The following YEATS4 variants were observed in gnomAD, a reference collection of about 807,000 sequenced individuals.
YEATS4 encodes the protein YEATS domain-containing protein 4.
A neutral mutation model predicts 30.1 loss-of-function variants in YEATS4; 17 were observed. That is an observed-to-expected ratio of 0.56 (90% CI 0.39 to 0.85). The LOEUF (loss-of-function observed/expected upper bound fraction) is 0.85, where lower values mean the gene tolerates loss of function less well. Among genes scored for constraint, YEATS4 ranks in the 40% least tolerant of loss-of-function variants. YEATS4 has a pLI of 0.00. For synonymous variants in YEATS4, 85 were observed against 87.5 expected, an observed-to-expected ratio of 0.97 and a Z score of 0.16; for missense variants, 142 against 268.3, an observed-to-expected ratio of 0.53 and a Z score of 3.29.
intron 6 of YEATS4, among the ~76,000 whole-genome samples, chr12:69,375,478 G>A (rs1373092297): frequency 1.1e-4 from 16 of 151,844 alleles, no homozygotes; most frequent in Admixed American, 5.9e-4. Context: ...AGGCAGAGAC[G>A]CTCCTCACTT....
At chr12:69,401,067 T>G in the YEATS4 span, 1 of 152,176 alleles carries the variant, frequency 6.6e-6, no homozygotes, top group Non-Finnish European at 1.5e-5. Flanking sequence ...GACCACCAGG[T>G]TACCTAAGGA....
chr12:69,360,667 A>ATT lies in YEATS4; in HGVS notation c.51+658_51+659dup, dbSNP rs71932216. Among the ~76,000 whole-genome samples, 1,420 of 143,656 alleles carry ATT rather than the reference A, an allele frequency of 9.9e-3. 15 individuals are homozygous for ATT. The highest frequency in any genetic ancestry group is 0.025 in the African/African-American group (965 of 39,318). 94.2% of individuals were successfully genotyped at this position (143,656 alleles called of 152,430 possible). The stretch of plus-strand genomic sequence containing the variant: ...CCCTCACACAGCCCCTGGCACGTTA[A>ATT]TTTTTTTTTTTTTTTGAGACGAAGT... On this transcript the variant is annotated intron_variant, in intron 1 of 6. Transcript: ENST00000247843.
the YEATS4 span, among the ~76,000 whole-genome samples, chr12:69,408,915 A>G: frequency 6.6e-6 from 1 of 152,212 alleles, no homozygotes; most frequent in Admixed American, 6.5e-5. Flanking sequence ...AAATGCCATA[A>G]TATTTAGAAA....
the YEATS4 span, among the ~76,000 whole-genome samples, chr12:69,411,634 AG>A: frequency 1.3e-5 from 2 of 152,190 alleles, no homozygotes; most frequent in African/African-American, 2.4e-5. Context: ...GGAGTACTGG[AG>A]GGGAGTGTGG....
At chr12:69,400,697 TA>T in the YEATS4 span, among the ~76,000 whole-genome samples, 4,331 of 134,894 alleles carry the variant, frequency 0.032, 161 homozygotes, top group African/African-American at 0.098. Context: ...TTAAAAAGTT[TA>T]AAAAAAAAAA....
chr12:69,367,288 C>T (rs2120929353), intron 4 of YEATS4, among the ~76,000 whole-genome samples: 1 of 152,204 alleles, frequency 6.6e-6, no homozygotes, highest in African/African-American at 2.4e-5. Flanking sequence ...TTTGTGTTTT[C>T]ATGTGATGAA....
the YEATS4 span, among the ~76,000 whole-genome samples, chr12:69,401,792 G>A: frequency 1.9e-4 from 29 of 152,126 alleles, 1 homozygote; most frequent in Admixed American, 1.7e-3. Context: ...TCTCTCACAC[G>A]TTCTACTTTC....
the YEATS4 span, among the ~76,000 whole-genome samples, chr12:69,417,072 C>T: frequency 6.6e-6 from 1 of 150,782 alleles, no homozygotes; most frequent in African/African-American, 2.4e-5. Context: ...AAACTCTGTC[C>T]CAAATTTAAA....
chr12:69,374,833 C>T (rs1875781727), intron 6 of YEATS4, among the ~76,000 whole-genome samples: 1 of 152,160 alleles, frequency 6.6e-6, no homozygotes, highest in Non-Finnish European at 1.5e-5. Flanking sequence ...CCACATTTCC[C>T]CCTTTTCTAT....
the YEATS4 span, among the ~76,000 whole-genome samples, chr12:69,417,789 C>G: frequency 2.0e-5 from 3 of 147,924 alleles, no homozygotes; most frequent in African/African-American, 7.5e-5. Flanking sequence ...AGCAGCACTT[C>G]GTTTAACGCT....
At chr12:69,414,376 C>T in the YEATS4 span, among the ~76,000 whole-genome samples, 1 of 152,130 alleles carries the variant, frequency 6.6e-6, no homozygotes, top group Admixed American at 6.6e-5. Context: ...ACTACAGGAA[C>T]ATGCTACCGC....
intron 6 of YEATS4, among the ~76,000 whole-genome samples, chr12:69,386,724 A>G (rs138160853): frequency 5.8e-4 from 89 of 152,308 alleles, no homozygotes; most frequent in African/African-American, 2.1e-3. Flanking sequence ...CTGACAGGCC[A>G]TAGAAAAATG....
At chr12:69,395,037 C>T (rs74235782), downstream of YEATS4, among the ~76,000 whole-genome samples, 249 of 152,226 alleles carry the variant, frequency 1.6e-3, 2 homozygotes, top group East Asian at 0.045. Context: ...TACCCTCATA[C>T]AATGATGGGA....
At chr12:69,379,682 C>T (rs1875999137) in intron 6 of YEATS4, among the ~76,000 whole-genome samples, 1 of 147,198 alleles carries the variant, frequency 6.8e-6, no homozygotes, top group South Asian at 2.2e-4. Flanking sequence ...CTCAAGCAGT[C>T]CTCCCTCCTT....
the YEATS4 span, chr12:69,400,992 T>C: frequency 6.6e-6 from 1 of 152,218 alleles, no homozygotes; most frequent in Non-Finnish European, 1.5e-5. Flanking sequence ...TGACCTGTAG[T>C]GCACTATGCT....
chr12:69,359,744 T>G lies in YEATS4; in HGVS notation c.-229T>G. 1.8e-6 allele frequency: 1 copy of G among 546,768 alleles called. No homozygotes were observed. Among genetic ancestry groups the G allele is most frequent in the South Asian group, 2.5e-5 (1 of 40,596 alleles). The allele number at this position is 546,768 out of a possible 1,614,324, so 33.9% of individuals were successfully genotyped here. On this transcript the variant is annotated 5_prime_UTR_variant, in exon 1 of 7. Coordinates refer to ENST00000247843, the MANE Select transcript of YEATS4 (RefSeq NM_006530.4). ...CTGCGCGCGGTGCGGCCGTCGCCCC[T>G]CTTTTCGCGGCGTTCTCCACCTGCG...
chr12:69,390,739 C>T lies in YEATS4; in HGVS notation c.*423C>T, dbSNP rs1269323943. ...TCTTCAAGTTCTTACCTGCCCCCAT[C>T]CTTTTTTGTATATGATGTGTCCAGT... On this transcript the variant is annotated 3_prime_UTR_variant, in exon 7 of 7. Transcript: ENST00000247843. 1 of 152,634 alleles carries T rather than the reference C, an allele frequency of 6.6e-6. No individual in the cohort carries two copies. The highest frequency in any genetic ancestry group is 1.5e-5 in the Non-Finnish European group (1 of 68,360). 9.5% of individuals were successfully genotyped at this position (152,634 alleles called of 1,614,324 possible). A position where few individuals can be genotyped will look rare whatever the true frequency, so the allele number is the denominator to read the frequency against.
the YEATS4 span, among the ~76,000 whole-genome samples, chr12:69,405,335 G>A: frequency 3.9e-5 from 6 of 152,096 alleles, no homozygotes; most frequent in South Asian, 2.1e-4. Flanking sequence ...AGAGATTAAC[G>A]ACAATAACTA....
At chr12:69,361,242 T>C (rs1875192459) in intron 1 of YEATS4, 1 of 52,970 alleles carries the variant, frequency 1.9e-5, no homozygotes. Flanking sequence ...AAAATACTTA[T>C]GTGTGTGTGT....
Sources: gnomAD v4.1 joint callset for allele counts (sites outside exome capture counted in the v4.1 genomes callset) on GRCh38, gnomAD v4.1.1 for gene constraint, MANE v1.5 for transcripts, NCBI Gene and HGNC (gene_info 2026-07-23, HGNC 2026-07-21) for gene names.